Variants in HCN4 observed in about 807,000 individuals in gnomAD.
The protein encoded by HCN4 is hyperpolarization activated cyclic nucleotide gated potassium channel 4.
HCN4 carries 29 observed loss-of-function variants against 76.9 expected under a neutral mutation model. That is an observed-to-expected ratio of 0.38 (90% confidence interval 0.28 to 0.51). The LOEUF is 0.51. HCN4 is among the 20% of genes least tolerant of loss of function. HCN4 has a pLI of 0.90. For missense variants in HCN4, 1,416 were observed against 1,715.2 expected (o/e 0.83, Z 3.08); for synonymous variants, 772 against 762.5 (o/e 1.01, Z -0.21).
At chr15:73,330,993 T>C (rs1268708438) in intron 3 of HCN4, among the ~76,000 whole-genome samples, 3 of 152,246 alleles carry the variant, frequency 2.0e-5, no homozygotes, top group African/African-American at 7.2e-5. Context: ...GCCTGTTTGA[T>C]GCTGAAAGAT....
chr15:73,344,373 C>T (rs564424635), intron 1 of HCN4, among the ~76,000 whole-genome samples: 1 of 152,172 alleles, frequency 6.6e-6, no homozygotes. Flanking sequence ...GAAGGGCCTC[C>T]CTATTCTGGG....
intron 2 of HCN4, among the ~76,000 whole-genome samples, chr15:73,340,346 C>T (rs1039405814): frequency 3.3e-5 from 5 of 152,198 alleles, no homozygotes; most frequent in African/African-American, 2.4e-5. Context: ...CCTGGAGACA[C>T]GAATGGATGC....
chr15:73,322,657 G>A lies in HCN4; in HGVS notation c.3436C>T (p.Pro1146Ser), dbSNP rs1567766661. The A allele has an allele frequency of 1.9e-6, 3 of 1,608,434 alleles. No individual in the cohort carries two copies. Among genetic ancestry groups the A allele is most frequent in the Admixed American group, 1.7e-5 (1 of 59,512 alleles). Residue 1146 changes from proline (P) to serine (S), a missense_variant, in exon 8 of 8, where the codon CCC (proline) becomes TCC (serine). This residue lies in a region of HCN4 where 633 missense variants were observed against 579.8 expected (regional missense o/e 1.09). Transcript: ENST00000261917. ...CGAGGCAGAGTGACGTGCTGGCCGG[G>A]GATGGCACCATAGGGCCTCCCAGGG... The part of the protein sequence containing the change: ...GPPGRPYGAI[P>S]GQHVTLPRKT...
At chr15:73,365,312 C>A (rs967453143) in intron 1 of HCN4, among the ~76,000 whole-genome samples, 1 of 152,192 alleles carries the variant, frequency 6.6e-6, no homozygotes, top group Non-Finnish European at 1.5e-5. Context: ...TTTCCTTACA[C>A]CCCACCCAGC....
chr15:73,368,321 C>A lies in HCN4; in HGVS notation c.-51G>T. The A allele has an allele frequency of 1.5e-6, 2 of 1,341,090 alleles. No individual in the cohort carries two copies. Among genetic ancestry groups the A allele is most frequent in the Non-Finnish European group, 1.9e-6 (2 of 1,029,216 alleles). 83.1% of individuals were successfully genotyped at this position (1,341,090 alleles called of 1,614,324 possible). ...GGCCGGGGGCAGGAGCGCGGCGCCG[C>A]GGACGGGCTCCAGGTCCGCCCGCCG... On this transcript the variant is annotated 5_prime_UTR_variant, in exon 1 of 8. Coordinates refer to ENST00000261917, the MANE Select transcript of HCN4 (RefSeq NM_005477.3). The surrounding 1 kb of genome is among the most constrained non-coding windows in gnomAD (Gnocchi z 6.9).
intron 7 of HCN4, 24 bp from the exon 8 acceptor site, chr15:73,323,973 C>A (rs754195152): frequency 2.5e-6 from 4 of 1,608,154 alleles, no homozygotes; most frequent in Non-Finnish European, 3.4e-6. Flanking sequence ...CAAGAACAGG[C>A]ACTCAGGGCA....
intron 2 of HCN4, among the ~76,000 whole-genome samples, chr15:73,334,556 T>C (rs1324146277): frequency 1.3e-5 from 2 of 151,844 alleles, no homozygotes; most frequent in Non-Finnish European, 2.9e-5. Context: ...AGGATGCCAC[T>C]AGCTCCCCAG....
intron 1 of HCN4, among the ~76,000 whole-genome samples, chr15:73,346,409 T>C (rs2043030044): frequency 2.0e-5 from 3 of 152,230 alleles, no homozygotes; most frequent in South Asian, 2.1e-4. Flanking sequence ...CATTATGAAA[T>C]GAGTAAATAA....
Position 73,322,788 on chromosome 15 carries a change from C to A in HCN4, c.3305G>T (p.Arg1102Leu). The A allele has an allele frequency of 6.4e-7, 1 of 1,552,352 alleles. No individual in the cohort carries two copies. Among genetic ancestry groups the A allele is most frequent in the Non-Finnish European group, 8.7e-7 (1 of 1,148,318 alleles). The change falls in exon 8 of 8, where the codon CGC (arginine) becomes CTC (leucine). Residue 1102 changes from arginine to leucine, a missense_variant. This residue lies in a region of HCN4 where 633 missense variants were observed against 579.8 expected (regional missense o/e 1.09). Coordinates refer to ENST00000261917, the MANE Select transcript of HCN4 (RefSeq NM_005477.3). ...CCCTGAGGAGTGCGGGGAGGCTCTG[C>A]GGAGAGTCTGCGCCCCGTCCTGAGG... Reference protein sequence around the residue: ...ALPQDGAQTLRRASPHSSGES... With the variant: ...ALPQDGAQTLLRASPHSSGES...
Position 73,322,448 on chromosome 15 carries a change from A to G in HCN4, c.*33T>C. On this transcript the variant is annotated 3_prime_UTR_variant, in exon 8 of 8. Transcript: ENST00000261917. The stretch of plus-strand genomic sequence containing the variant: ...CCTGAAGGAAGAAGGAAGGGAGAGA[A>G]AAGAAGAAAGAAGAGGGAAGGAAGG... 6.6e-7 allele frequency: 1 copy of G among 1,508,884 alleles called. No individual in the cohort carries two copies. Among genetic ancestry groups the G allele is most frequent in the South Asian group, 1.2e-5 (1 of 83,740 alleles). 93.5% of individuals were successfully genotyped at this position (1,508,884 alleles called of 1,614,324 possible). A position where few individuals can be genotyped will look rare whatever the true frequency, so the allele number is the denominator to read the frequency against.
At position 73,332,228 on chromosome 15, in the gene HCN4, A is replaced by G; in HGVS notation, c.1274T>C (p.Met425Thr). The G allele has an allele frequency of 6.2e-7, 1 of 1,614,192 alleles. No homozygotes were observed. The highest frequency in any genetic ancestry group is 8.5e-7 in the Non-Finnish European group (1 of 1,179,986). Residue 425 changes from methionine (M) to threonine (T), a missense_variant, in exon 3 of 8, where the codon ATG becomes ACG. Met to Thr is a moderately conservative substitution (Grantham distance 81). Transcript: ENST00000261917. ...GCCGTCCCAGTGGCAGAGCAGGAGC[A>G]TCATGCCGATGAGGTTCACGATGCG... ...VVRIVNLIGMMLLLCHWDGCL... is the reference protein window; with the variant it reads ...VVRIVNLIGMTLLLCHWDGCL...
In HCN4 at chr15:73,319,867, T is replaced by A. The variant is rs75776477; in HGVS notation, c.*2614A>T. ...TAGAAGAAGGTAGCATCTGCTGGAA[T>A]TTTTTTTATTTAAATAAAATATACA... is the stretch of plus-strand genomic sequence containing the variant. On this transcript the variant is annotated 3_prime_UTR_variant, in exon 8 of 8. Transcript: ENST00000261917. The A allele has an allele frequency of 6.6e-6, 1 of 152,138 alleles. No homozygotes were observed. The highest frequency in any genetic ancestry group is 1.5e-5 in the Non-Finnish European group (1 of 68,010). 9.4% of individuals were successfully genotyped at this position (152,138 alleles called of 1,614,324 possible).
At chr15:73,346,743 G>A (rs923470192) in intron 1 of HCN4, among the ~76,000 whole-genome samples, 2 of 152,312 alleles carry the variant, frequency 1.3e-5, no homozygotes, top group South Asian at 2.1e-4. Flanking sequence ...ATGGGATCCC[G>A]GTGGCCTAGA....
chr15:73,334,982 A>G (rs1181158953), intron 2 of HCN4, among the ~76,000 whole-genome samples: 1 of 152,080 alleles, frequency 6.6e-6, no homozygotes, highest in South Asian at 2.1e-4. Flanking sequence ...CCTTATAAAA[A>G]GAGACCAGAC....
chr15:73,329,031 C>T (rs1182248110), intron 4 of HCN4, among the ~76,000 whole-genome samples: 2 of 152,126 alleles, frequency 1.3e-5, no homozygotes, highest in African/African-American at 4.8e-5. Context: ...GCTGTGCAGG[C>T]CCCACTGTGC....
chr15:73,337,720 C>T (rs796652819), intron 2 of HCN4, among the ~76,000 whole-genome samples: 12 of 152,188 alleles, frequency 7.9e-5, no homozygotes, highest in African/African-American at 2.9e-4. Context: ...GTGACAGTGA[C>T]GAGAATGGTG....
chr15:73,346,680 G>A (rs967118430), intron 1 of HCN4, among the ~76,000 whole-genome samples: 1 of 152,176 alleles, frequency 6.6e-6, no homozygotes, highest in African/African-American at 2.4e-5. Flanking sequence ...AATGGTGTAA[G>A]AAACCATCCC....
At chr15:73,331,636 G>A (rs1341374448) in intron 3 of HCN4, among the ~76,000 whole-genome samples, 1 of 151,986 alleles carries the variant, frequency 6.6e-6, no homozygotes, top group Non-Finnish European at 1.5e-5. Context: ...TGAAGTCAGG[G>A]GTCTCCCTAT....
intron 1 of HCN4, among the ~76,000 whole-genome samples, chr15:73,355,253 G>A (rs115803737): frequency 0.011 from 1,673 of 152,264 alleles, 25 homozygotes; most frequent in African/African-American, 0.037. Context: ...TTCTAGTCCC[G>A]TCCCTGTCTC....
Sources: gnomAD v4.1 joint callset for allele counts (sites outside exome capture counted in the v4.1 genomes callset) on GRCh38, gnomAD v4.1.1 for gene constraint, gnomAD v4.1.1 regional missense constraint, Gnocchi (gnomAD v3.1) non-coding constraint, MANE v1.5 for transcripts, NCBI Gene and HGNC (gene_info 2026-07-23, HGNC 2026-07-21) for gene names.